Variants in U2AF2 observed in about 807,000 individuals in gnomAD.
U2AF2 encodes the protein U2 small nuclear RNA auxiliary factor 2, also known as splicing factor U2AF 65 kDa subunit.
In U2AF2, 6 loss-of-function variants were observed where a neutral mutation model predicts 52.6. That is an observed-to-expected ratio of 0.11 (90% CI 0.06 to 0.23). The LOEUF is 0.23. Among genes scored for constraint, U2AF2 ranks in the 10% least tolerant of loss-of-function variants. The pLI is 1.00. For missense variants in U2AF2, 222 were observed against 677.1 expected, an observed-to-expected ratio of 0.33 and a Z score of 7.46; for synonymous variants, 284 against 258.2, an observed-to-expected ratio of 1.10 and a Z score of -0.96.
intron 11 of U2AF2, 137 bp downstream of exon 11, chr19:55,669,829 C>G (rs573330094): frequency 7.5e-7 from 1 of 1,332,090 alleles, no homozygotes; most frequent in Non-Finnish European, 1.0e-6. Context: ...TCTCTCCTCT[C>G]GCAGCGCGTG....
intron 5 of U2AF2, 23 bp downstream of exon 5, chr19:55,661,212 AC>A: frequency 6.5e-7 from 1 of 1,536,514 alleles, no homozygotes; most frequent in Non-Finnish European, 8.8e-7. Context: ...CCTGCCCCCT[AC>A]CCTCTCCCTT....
At chr19:55,666,280 C>A (rs543807505) in intron 7 of U2AF2, among the ~76,000 whole-genome samples, 4 of 152,332 alleles carry the variant, frequency 2.6e-5, no homozygotes, top group Admixed American at 2.6e-4. Context: ...CCTGCTGGGT[C>A]TTCCCCACAC....
At chr19:55,669,799 GC>G in intron 11 of U2AF2, 107 bp downstream of exon 11, 1 of 1,431,032 alleles carries the variant, frequency 7.0e-7, no homozygotes, top group Non-Finnish European at 9.2e-7. Context: ...CCTCTTCTCC[GC>G]GCGCTCTTTC....
chr19:55,663,282 C>G (rs929503949), intron 6 of U2AF2, among the ~76,000 whole-genome samples: 3 of 152,184 alleles, frequency 2.0e-5, no homozygotes, highest in African/African-American at 7.2e-5. Flanking sequence ...CAGAAAGACT[C>G]CAGTACTGTC....
intron 1 of U2AF2, 119 bp downstream of exon 1, chr19:55,655,272 C>G (rs558799219): frequency 2.7e-6 from 3 of 1,130,642 alleles, no homozygotes; most frequent in African/African-American, 3.3e-5. Context: ...CCCCCCAACC[C>G]TGGTTCCGTG....
At chr19:55,657,848 T>C (rs1983893960) in intron 1 of U2AF2, among the ~76,000 whole-genome samples, 1 of 152,214 alleles carries the variant, frequency 6.6e-6, no homozygotes, top group Non-Finnish European at 1.5e-5. Context: ...TTGGTAATTG[T>C]GATCTCTCTA....
chr19:55,655,738 T>G (rs962612342), intron 1 of U2AF2, among the ~76,000 whole-genome samples: 1 of 152,202 alleles, frequency 6.6e-6, no homozygotes, highest in African/African-American at 2.4e-5. Context: ...TGCTCTGATC[T>G]CTCCCGCCAG....
chr19:55,666,851 G>C (rs1234579676), intron 7 of U2AF2, among the ~76,000 whole-genome samples: 3 of 152,236 alleles, frequency 2.0e-5, no homozygotes, highest in Admixed American at 2.0e-4. Flanking sequence ...AGAGCCTGCA[G>C]CCTGCCATGC....
At chr19:55,661,326 C>A in intron 5 of U2AF2, 137 bp downstream of exon 5, 1 of 1,013,924 alleles carries the variant, frequency 9.9e-7, no homozygotes, top group South Asian at 2.5e-5. Context: ...CCAGACGGAC[C>A]GATGGAGTTG....
At chr19:55,662,748 C>G in intron 6 of U2AF2, 130 bp downstream of exon 6, 1 of 760,440 alleles carries the variant, frequency 1.3e-6, no homozygotes. Flanking sequence ...TCCACCCGGT[C>G]GCTGAAGTGA....
chr19:55,663,777 C>G (rs1440719898), intron 7 of U2AF2, 33 bp downstream of exon 7: 1 of 1,612,920 alleles, frequency 6.2e-7, no homozygotes, highest in Non-Finnish European at 8.5e-7. Flanking sequence ...GCCCCTTTCT[C>G]CCCCAGTCCT....
At chr19:55,669,209 A>G (rs1176923746) in intron 10 of U2AF2, 28 bp downstream of exon 10, 1 of 1,610,930 alleles carries the variant, frequency 6.2e-7, no homozygotes, top group African/African-American at 1.3e-5. Flanking sequence ...GGCTTGAGGG[A>G]CCCTGGGGGT....
At position 55,660,520 on chromosome 19, in the gene U2AF2, T is replaced by TC; in HGVS notation, c.241dup (p.Arg81ProfsTer10). 1 of 932,978 alleles carries TC rather than the reference T, an allele frequency of 1.1e-6. No individual in the cohort carries two copies. Among genetic ancestry groups the TC allele is most frequent in the Non-Finnish European group, 1.6e-6 (1 of 641,068 alleles). The allele number at this position is 932,978 out of a possible 1,614,324, so 57.8% of individuals were successfully genotyped here. On this transcript the variant is annotated frameshift_variant, in exon 4 of 12. Transcript: ENST00000308924. LOFTEE classifies it high-confidence loss of function. Reference sequence around the variant, plus strand: ...CTCCCCTCCCACCTCCCCCAGTCGTTCCCCCCGCCACGAGAAGAAGAAGAA... The same window carrying TC: ...CTCCCCTCCCACCTCCCCCAGTCGTTCCCCCCCGCCACGAGAAGAAGAAGAA...
chr19:55,672,139 A>AG (rs1984960503), intron 11 of U2AF2: 1 of 152,064 alleles, frequency 6.6e-6, no homozygotes, highest in Non-Finnish European at 1.5e-5. Context: ...AGAAAAAAAA[A>AG]AAAAAAATTA....
In U2AF2 at chr19:55,668,798, T is replaced by TC; in HGVS notation, c.945+10dup. 2.5e-6 allele frequency: 4 copies of TC among 1,607,962 alleles called. No homozygotes were observed. The highest frequency in any genetic ancestry group is 3.4e-6 in the Non-Finnish European group (4 of 1,175,814). The stretch of plus-strand genomic sequence containing the variant: ...ACATCAACGTCACGGATCAGGTGAG[T>TC]CCCCGGTCGCTGGCCGCTGCCGCGT... On this transcript the variant is annotated splice_region_variant and intron_variant, in intron 9 of 11. Coordinates refer to ENST00000308924, the MANE Select transcript of U2AF2 (RefSeq NM_007279.3). The surrounding 1 kb of genome is among the most constrained non-coding windows in gnomAD (Gnocchi z 5.5).
At position 55,674,350 on chromosome 19, in the gene U2AF2, C is replaced by T; in HGVS notation, c.*282C>T. On this transcript the variant is annotated 3_prime_UTR_variant, in exon 12 of 12. Coordinates refer to ENST00000308924, the MANE Select transcript of U2AF2 (RefSeq NM_007279.3). ...GGGGTTGGGATGGGGACAGGGTGCA[C>T]AGCAGGGCGGGGTAGGACCCCAGCC... The T allele has an allele frequency of 5.0e-6, 2 of 401,284 alleles. No homozygotes were observed. Among genetic ancestry groups the T allele is most frequent in the South Asian group, 2.8e-5 (1 of 35,182 alleles). 24.9% of individuals were successfully genotyped at this position (401,284 alleles called of 1,614,324 possible). A position where few individuals can be genotyped will look rare whatever the true frequency, so the allele number is the denominator to read the frequency against.
chr19:55,660,507 C>T lies in U2AF2; in HGVS notation c.231-9C>T. On this transcript the variant is annotated splice_polypyrimidine_tract_variant and intron_variant, in intron 3 of 11. Coordinates refer to ENST00000308924, the MANE Select transcript of U2AF2 (RefSeq NM_007279.3). ...GCCCTGCCCCGCTCTCCCCTCCCACCTCCCCCAGTCGTTCCCCCCGCCACG... is the reference window on the plus strand; with the variant it reads ...GCCCTGCCCCGCTCTCCCCTCCCACTTCCCCCAGTCGTTCCCCCCGCCACG... The T allele has an allele frequency of 1.5e-6, 2 of 1,309,724 alleles. No homozygotes were observed. The highest frequency in any genetic ancestry group is 2.2e-6 in the Non-Finnish European group (2 of 925,846). The allele number at this position is 1,309,724 out of a possible 1,614,324, so 81.1% of individuals were successfully genotyped here.
chr19:55,663,446 G>T (rs952250578), intron 6 of U2AF2, among the ~76,000 whole-genome samples, 160 bp from the exon 7 acceptor site: 2 of 152,200 alleles, frequency 1.3e-5, no homozygotes, highest in African/African-American at 2.4e-5. Flanking sequence ...TGGCAGCAGG[G>T]ACATGCGTGT....
At chr19:55,658,478 C>G (rs558438990) in intron 1 of U2AF2, among the ~76,000 whole-genome samples, 2 of 152,264 alleles carry the variant, frequency 1.3e-5, no homozygotes, top group East Asian at 1.9e-4. Context: ...GATACCCGCC[C>G]CTACTCACGC....
Sources: allele counts gnomAD v4.1 joint callset (sites outside exome capture counted in the v4.1 genomes callset), GRCh38; gene constraint gnomAD v4.1.1; non-coding constraint Gnocchi (gnomAD v3.1); transcripts MANE v1.5; gene names NCBI Gene and HGNC (gene_info 2026-07-23, HGNC 2026-07-21).